Variants in SFRP1 observed in about 807,000 individuals in gnomAD.
The protein encoded by SFRP1 is secreted frizzled related protein 1, also known as secreted frizzled-related protein 1.
In SFRP1, 9 loss-of-function variants were observed where a neutral mutation model predicts 25.9. That is an observed-to-expected ratio of 0.35 (90% CI 0.21 to 0.61). The LOEUF is 0.61. SFRP1 is among the 20% of genes least tolerant of loss of function. SFRP1 has a pLI of 0.78. For missense variants in SFRP1, 346 were observed against 418.2 expected (o/e 0.83, Z 1.51); for synonymous variants, 178 against 174.0 (o/e 1.02, Z -0.18).
At chr8:41,280,161 C>A (rs4736803) in intron 2 of SFRP1, among the ~76,000 whole-genome samples, 34 of 152,190 alleles carry the variant, frequency 2.2e-4, no homozygotes, top group African/African-American at 7.7e-4. Flanking sequence ...AGGGGGAGGG[C>A]TGACGGAGCT....
chr8:41,293,380 C>T (rs1786849355), intron 2 of SFRP1, among the ~76,000 whole-genome samples: 1 of 152,238 alleles, frequency 6.6e-6, no homozygotes, highest in African/African-American at 2.4e-5. Flanking sequence ...CTAAGCAGAA[C>T]ATAGAATGCG....
chr8:41,265,686 G>A (rs952382414), intron 2 of SFRP1, among the ~76,000 whole-genome samples, 197 bp from the exon 3 acceptor site: 1 of 152,074 alleles, frequency 6.6e-6, no homozygotes, highest in East Asian at 1.9e-4. Flanking sequence ...TGGGTATACT[G>A]CATGATGCTG....
At position 41,308,834 on chromosome 8, in the gene SFRP1, G is replaced by A. The variant is rs1804032218; in HGVS notation, c.326C>T (p.Thr109Ile). The A allele has an allele frequency of 6.2e-7, 1 of 1,610,178 alleles. No individual in the cohort carries two copies. ...PLLNKNCHAG[T>I]QVFLCSLFAP... Reference sequence around the variant, plus strand: ...GAAGAGCGAGCAGAGGAAGACCTGGGTGCCGGCGTGGCAGTTCTTGTTGAG... The same window carrying A: ...GAAGAGCGAGCAGAGGAAGACCTGGATGCCGGCGTGGCAGTTCTTGTTGAG... Residue 109 changes from threonine to isoleucine, a missense_variant, in exon 1 of 3, where the codon ACC (threonine) becomes ATC (isoleucine). By Grantham distance (89) the Thr-to-Ile change is moderately conservative (BLOSUM62 -1). Transcript: ENST00000220772.
chr8:41,269,451 T>C (rs190968529), intron 2 of SFRP1, among the ~76,000 whole-genome samples: 3 of 152,106 alleles, frequency 2.0e-5, no homozygotes, highest in African/African-American at 7.2e-5. Context: ...TATATTTGAG[T>C]AGGCCATTAA....
Position 41,265,054 on chromosome 8 carries a change from T to C in SFRP1, c.*113A>G, listed in dbSNP as rs1215173631. 1.6e-5 allele frequency: 11 copies of C among 700,992 alleles called. No homozygotes were observed. Among genetic ancestry groups the C allele is most frequent in the East Asian group, 8.2e-5 (3 of 36,784 alleles). The allele number at this position is 700,992 out of a possible 1,614,324, so 43.4% of individuals were successfully genotyped here. A position where few individuals can be genotyped will look rare whatever the true frequency, so the allele number is the denominator to read the frequency against. On this transcript the variant is annotated 3_prime_UTR_variant, in exon 3 of 3. Coordinates refer to ENST00000220772, the MANE Select transcript of SFRP1 (RefSeq NM_003012.5). ...CAAGAACAAGCCGACTGGATTACAA[T>C]GTCCACTACTGACAGGCGCAGTGCG...
In SFRP1 at chr8:41,308,518, C is replaced by G. The variant is rs571428338; in HGVS notation, c.544+98G>C. The G allele has an allele frequency of 1.9e-4, 186 of 996,562 alleles. No individual in the cohort carries two copies. The Middle Eastern group carries it at 2.8e-3, about 15-fold the overall frequency. 61.7% of individuals were successfully genotyped at this position (996,562 alleles called of 1,614,324 possible). On this transcript the variant is annotated intron_variant, in intron 1 of 2. Coordinates refer to ENST00000220772, the MANE Select transcript of SFRP1 (RefSeq NM_003012.5). ...GGGCCCTCAGTCCCCAGCACCGGGA[C>G]CCAGCGGCGGGCGGGCGTAGGGTGG...
chr8:41,293,876 G>A (rs976167207), intron 2 of SFRP1, among the ~76,000 whole-genome samples: 3 of 151,626 alleles, frequency 2.0e-5, no homozygotes, highest in Admixed American at 6.6e-5. Context: ...GGGCTCAGAC[G>A]CACATCCCAC....
chr8:41,309,121 T>A lies in SFRP1; in HGVS notation c.39A>T (p.Ala13=), dbSNP rs1201884361. The change falls in exon 1 of 3, where the codon GCA becomes GCT. Residue 13 remains alanine (A), a synonymous_variant. Coordinates refer to ENST00000220772, the MANE Select transcript of SFRP1 (RefSeq NM_003012.5). The part of the protein sequence containing the change: ...IGRSEGGRRG[A]ALGVLLALGA... The stretch of plus-strand genomic sequence containing the variant: ...CCAGCGCCAGCAGCACGCCCAGGGC[T>A]GCCCCGCGGCGGCCCCCCTCGCTGC... 5.1e-6 allele frequency: 3 copies of A among 586,176 alleles called. No homozygotes were observed. Among genetic ancestry groups the A allele is most frequent in the Non-Finnish European group, 7.1e-6 (3 of 423,968 alleles). The allele number at this position is 586,176 out of a possible 1,614,324, so 36.3% of individuals were successfully genotyped here. A position where few individuals can be genotyped will look rare whatever the true frequency, so the allele number is the denominator to read the frequency against.
Position 41,302,485 on chromosome 8 carries a change from C to T in SFRP1, c.622+976G>A, listed in dbSNP as rs530063306. On this transcript the variant is annotated intron_variant, in intron 2 of 2. Transcript: ENST00000220772. ...AATGGACTCACATCACCTATCTTTA[C>T]GCTTTTCCAGATAAGAATTCTGTAA... is the stretch of plus-strand genomic sequence containing the variant. Among the ~76,000 whole-genome samples, 20 of 152,318 alleles carry T rather than the reference C, an allele frequency of 1.3e-4. No homozygotes were observed. The East Asian group carries it at 1.4e-3, about 10-fold the overall frequency.
intron 2 of SFRP1, among the ~76,000 whole-genome samples, chr8:41,272,121 A>T (rs977530069): frequency 6.6e-6 from 1 of 152,252 alleles, no homozygotes. Context: ...ACAAGTAAAA[A>T]GATGTGAAAG....
intron 2 of SFRP1, among the ~76,000 whole-genome samples, chr8:41,276,526 G>C (rs1490039070): frequency 6.6e-6 from 1 of 152,198 alleles, no homozygotes; most frequent in Non-Finnish European, 1.5e-5. Flanking sequence ...GTTTAGCAGA[G>C]AAAGGGGCTT....
At chr8:41,292,087 G>A (rs552191988) in intron 2 of SFRP1, among the ~76,000 whole-genome samples, 3 of 152,298 alleles carry the variant, frequency 2.0e-5, no homozygotes, top group South Asian at 4.1e-4. Context: ...ACCCCAGGCA[G>A]AATTACACCA....
chr8:41,275,968 G>A (rs373222132), intron 2 of SFRP1, among the ~76,000 whole-genome samples: 1 of 152,068 alleles, frequency 6.6e-6, no homozygotes, highest in Non-Finnish European at 1.5e-5. Context: ...GGTTGGTCTC[G>A]AACTCCTGAG....
chr8:41,308,995 T>C lies in SFRP1; in HGVS notation c.165A>G (p.Pro55=), dbSNP rs2117526587. 6.2e-7 allele frequency: 1 copy of C among 1,612,898 alleles called. No homozygotes were observed. Residue 55 remains proline (P), a synonymous_variant, in exon 1 of 3, where the codon CCA becomes CCG. Transcript: ENST00000220772. The stretch of plus-strand genomic sequence containing the variant: ...CCGCGGGGATGTCCACGCACTGAGG[T>C]GGCTTGGTGTAGAAGCGCCCGCTCT... The part of the protein sequence containing the change: ...PYQSGRFYTK[P]PQCVDIPADL...
intron 2 of SFRP1, chr8:41,275,333 A>T (rs1407866972): frequency 2.7e-4 from 9 of 33,672 alleles, no homozygotes; most frequent in South Asian, 1.1e-3. Context: ...AGGTGCTGTT[A>T]AAAAAAAAAA....
intron 2 of SFRP1, among the ~76,000 whole-genome samples, chr8:41,268,193 C>T (rs1334858350): frequency 6.6e-6 from 1 of 152,174 alleles, no homozygotes; most frequent in Non-Finnish European, 1.5e-5. Flanking sequence ...CTATCTACGA[C>T]TCCTTGTTTA....
At position 41,265,221 on chromosome 8, in the gene SFRP1, G is replaced by T. The variant is rs778653065; in HGVS notation, c.891C>A (p.Phe297Leu). ...WDKKNKEFKN[F>L]MKKMKNHECP... Reference sequence around the variant, plus strand: ...ACTCATGGTTTTTCATTTTCTTCATGAAGTTTTTGAACTCCTTGTTTTTCT... The same window carrying T: ...ACTCATGGTTTTTCATTTTCTTCATTAAGTTTTTGAACTCCTTGTTTTTCT... The change falls in exon 3 of 3, where the codon TTC (phenylalanine) becomes TTA (leucine). Residue 297 changes from phenylalanine (F) to leucine (L), a missense_variant. Coordinates refer to ENST00000220772, the MANE Select transcript of SFRP1 (RefSeq NM_003012.5). The T allele has an allele frequency of 1.3e-6, 2 of 1,571,682 alleles. No homozygotes were observed. The highest frequency in any genetic ancestry group is 1.7e-5 in the Admixed American group (1 of 57,292).
intron 2 of SFRP1, chr8:41,271,046 A>C (rs1803498928): frequency 6.5e-6 from 1 of 154,158 alleles, no homozygotes; most frequent in Non-Finnish European, 1.5e-5. Flanking sequence ...GTTTTTCTCT[A>C]AAGAAACTAT....
At chr8:41,287,693 G>A (rs1417340863) in intron 2 of SFRP1, among the ~76,000 whole-genome samples, 1 of 152,200 alleles carries the variant, frequency 6.6e-6, no homozygotes, top group Non-Finnish European at 1.5e-5. Flanking sequence ...AACCTCTGAA[G>A]TTCTTTTTAA....
Sources: allele counts gnomAD v4.1 joint callset (sites outside exome capture counted in the v4.1 genomes callset), GRCh38; gene constraint gnomAD v4.1.1; transcripts MANE v1.5; gene names NCBI Gene and HGNC (gene_info 2026-07-23, HGNC 2026-07-21).